The following SYNE1 variants were observed in gnomAD, a reference collection of about 807,000 sequenced individuals.
SYNE1 encodes spectrin repeat containing nuclear envelope protein 1.
In SYNE1, 616 loss-of-function variants were observed where a neutral mutation model predicts 1,111.0. The ratio of observed to expected loss-of-function variants is 0.55; its 90% CI spans 0.52 to 0.59. SYNE1 has a LOEUF of 0.59. SYNE1 is among the 20% of genes least tolerant of loss of function. The pLI is 0.00. For synonymous variants in SYNE1, 3,855 were observed against 3,825.8 expected (o/e 1.01, Z -0.28); for missense variants, 10,006 against 10,417.0 (o/e 0.96, Z 1.72).
In SYNE1 at chr6:152,216,735, T is replaced by G. The variant is rs191224182; in HGVS notation, c.22191+1522A>C. Among the ~76,000 whole-genome samples the G allele has an allele frequency of 2.0e-5, 3 of 152,268 alleles. No individual in the cohort carries two copies. The East Asian group carries it at 5.8e-4, about 29-fold the overall frequency. ...AAAATTTTCATGCCTGTTGAATTAT[T>G]TTGCTTACTTGATTGAATATTTAAA... On this transcript the variant is annotated intron_variant, in intron 121 of 145. Coordinates refer to ENST00000367255, the MANE Select transcript of SYNE1 (RefSeq NM_182961.4).
chr6:152,218,511 C>A (rs573327837), intron 120 of SYNE1, 108 bp from the exon 121 acceptor site: 24 of 1,298,568 alleles, frequency 1.8e-5, no homozygotes, highest in African/African-American at 3.0e-5. Flanking sequence ...TTTTCATATT[C>A]TTGTATCAAA....
intron 3 of SYNE1, among the ~76,000 whole-genome samples, chr6:152,562,129 G>T (rs892299082): frequency 6.6e-6 from 1 of 152,014 alleles, no homozygotes; most frequent in Non-Finnish European, 1.5e-5. Flanking sequence ...GACAACCTAG[G>T]GAGTGGAGAA....
At chr6:152,269,130 T>A (rs1237815674) in intron 99 of SYNE1, 25 bp downstream of exon 99, 1 of 1,614,006 alleles carries the variant, frequency 6.2e-7, no homozygotes, top group Non-Finnish European at 8.5e-7. Flanking sequence ...ATCTGCAAGC[T>A]AGAGAGAGGT....
In SYNE1 at chr6:152,148,505, C is replaced by A; in HGVS notation, c.24643-127G>T. On this transcript the variant is annotated intron_variant, in intron 136 of 145. Transcript: ENST00000367255. The surrounding 1 kb of genome is among the most constrained non-coding windows in gnomAD (Gnocchi z 4.1). The stretch of plus-strand genomic sequence containing the variant: ...AGCAAATAAATAAGAATCTTCTGAT[C>A]ACAGAAATACAGGGGACAGTGCTGC... 1.2e-6 allele frequency: 1 copy of A among 817,886 alleles called. No homozygotes were observed. The highest frequency in any genetic ancestry group is 2.0e-6 in the Non-Finnish European group (1 of 501,164). The allele number at this position is 817,886 out of a possible 1,614,324, so 50.7% of individuals were successfully genotyped here.
At chr6:152,289,772 G>A (rs1347414001) in intron 95 of SYNE1, among the ~76,000 whole-genome samples, 2 of 152,036 alleles carry the variant, frequency 1.3e-5, no homozygotes, top group Admixed American at 6.5e-5. Flanking sequence ...GACTACAAGC[G>A]CCCACCACCA....
At chr6:152,304,779 A>C (rs937297590) in intron 91 of SYNE1, among the ~76,000 whole-genome samples, 2 of 152,162 alleles carry the variant, frequency 1.3e-5, no homozygotes, top group African/African-American at 4.8e-5. Flanking sequence ...TCTCAACCTT[A>C]TTGTGTACAA....
intron 96 of SYNE1, 33 bp from the exon 97 acceptor site, chr6:152,282,013 C>A: frequency 6.2e-7 from 1 of 1,606,070 alleles, no homozygotes; most frequent in African/African-American, 1.3e-5. Flanking sequence ...ATATAGATCA[C>A]GCTAAGGTAA....
chr6:152,423,016 ATCTGCACTAATGCAGCTAGCC>A (rs1199157085), intron 39 of SYNE1, among the ~76,000 whole-genome samples: 1 of 152,226 alleles, frequency 6.6e-6, no homozygotes, highest in Non-Finnish European at 1.5e-5. Context: ...TCTGTAGAGA[ATCTGCACTAATGCAGCTAGCC>A]CTGCCTTTGT....
chr6:152,430,430 A>G (rs2098418400), intron 35 of SYNE1, 52 bp downstream of exon 35: 17 of 1,510,866 alleles, frequency 1.1e-5, no homozygotes, highest in East Asian at 2.3e-5. Flanking sequence ...GCACTTACCC[A>G]CAAATACAAT....
chr6:152,468,147 G>A (rs545807389), intron 16 of SYNE1, among the ~76,000 whole-genome samples: 4 of 152,172 alleles, frequency 2.6e-5, no homozygotes, highest in South Asian at 2.1e-4. Context: ...GTTAGTGACC[G>A]CATTTCTACT....
chr6:152,560,178 C>G (rs372816100), intron 3 of SYNE1, among the ~76,000 whole-genome samples: 1 of 151,982 alleles, frequency 6.6e-6, no homozygotes, highest in African/African-American at 2.4e-5. Context: ...CATGGTGAAA[C>G]CCCATCTCTA....
intron 3 of SYNE1, among the ~76,000 whole-genome samples, chr6:152,581,597 C>T (rs1201803350): frequency 1.3e-5 from 2 of 152,180 alleles, no homozygotes; most frequent in Non-Finnish European, 2.9e-5. Flanking sequence ...TCTCATCCGT[C>T]ACCTTTGCTT....
chr6:152,163,491 T>A (rs548174599), intron 131 of SYNE1, among the ~76,000 whole-genome samples: 10 of 133,250 alleles, frequency 7.5e-5, no homozygotes, highest in African/African-American at 3.0e-4. Context: ...AGAGTGAGAC[T>A]CTGTCTCAGG....
At chr6:152,390,169 A>C in intron 53 of SYNE1, 111 bp downstream of exon 53, 1 of 1,167,110 alleles carries the variant, frequency 8.6e-7, no homozygotes, top group Non-Finnish European at 1.3e-6. Flanking sequence ...CATGCCTACA[A>C]GCTACAGTAA....
At chr6:152,485,116 T>G in intron 12 of SYNE1, 144 bp from the exon 13 acceptor site, 1 of 952,532 alleles carries the variant, frequency 1.0e-6, no homozygotes, top group Non-Finnish European at 1.6e-6. Flanking sequence ...GTTATGATAC[T>G]AATAGCAGCT....
intron 15 of SYNE1, chr6:152,472,060 C>T: frequency 1.7e-6 from 1 of 595,894 alleles, no homozygotes; most frequent in South Asian, 2.1e-5. Flanking sequence ...AACAAAAATA[C>T]AGCCTCTGAA....
Position 152,323,499 on chromosome 6 carries a change from G to A in SYNE1, c.15896C>T (p.Ala5299Val). The A allele has an allele frequency of 6.2e-7, 1 of 1,613,978 alleles. No homozygotes were observed. Among genetic ancestry groups the A allele is most frequent in the East Asian group, 2.2e-5 (1 of 44,878 alleles). ...EEPPLMQEIT[A>V]MQDRCLNMQE... ...TTACTTCAGGCACCGATCTTGCATG[G>A]CGGTGATTTCCTGCATGAGCGGAGG... The change falls in exon 82 of 146, where the codon GCC becomes GTC. Residue 5299 changes from alanine (A) to valine (V), a missense_variant. Transcript: ENST00000367255.
intron 131 of SYNE1, among the ~76,000 whole-genome samples, chr6:152,157,241 C>T (rs2061553258): frequency 6.6e-6 from 1 of 152,116 alleles, no homozygotes; most frequent in African/African-American, 2.4e-5. Flanking sequence ...GAATATTATT[C>T]GGTCATAAAA....
intron 72 of SYNE1, among the ~76,000 whole-genome samples, chr6:152,349,502 C>T (rs1023192965): frequency 1.3e-5 from 2 of 152,200 alleles, no homozygotes; most frequent in African/African-American, 4.8e-5. Context: ...TTTCTGATGC[C>T]TTTGGCTGCA....
Sources: allele counts gnomAD v4.1 joint callset (sites outside exome capture counted in the v4.1 genomes callset), GRCh38; gene constraint gnomAD v4.1.1; non-coding constraint Gnocchi (gnomAD v3.1); transcripts MANE v1.5; gene names NCBI Gene and HGNC (gene_info 2026-07-23, HGNC 2026-07-21).